The following BRMS1L variants were observed in gnomAD, a reference collection of about 807,000 sequenced individuals.
BRMS1L encodes the protein breast cancer metastasis-suppressor 1-like protein.
BRMS1L carries 23 observed loss-of-function variants against 50.3 expected under a neutral mutation model. The observed-to-expected ratio is 0.46, with a 90% CI of 0.33 to 0.65. The LOEUF (loss-of-function observed/expected upper bound fraction) is 0.65. Ranked by LOEUF, BRMS1L falls within the 30% of genes least tolerant of loss-of-function variation. BRMS1L has a pLI of 0.02. For synonymous variants in BRMS1L, 114 were observed against 126.9 expected (o/e 0.90, Z 0.69); for missense variants, 286 against 386.1 (o/e 0.74, Z 2.17).
At chr14:35,833,483 AT>A (rs941016122) in intron 3 of BRMS1L, among the ~76,000 whole-genome samples, 5 of 151,990 alleles carry the variant, frequency 3.3e-5, no homozygotes, top group Non-Finnish European at 4.4e-5. Context: ...AAGTGATAGG[AT>A]TTTTTTTAAT....
intron 4 of BRMS1L, among the ~76,000 whole-genome samples, chr14:35,852,356 A>G (rs1302319552): frequency 6.6e-6 from 1 of 152,190 alleles, no homozygotes; most frequent in Non-Finnish European, 1.5e-5. Flanking sequence ...AATTACAGGC[A>G]TGTGCCACCC....
At chr14:35,861,194 A>G (rs566777700) in intron 4 of BRMS1L, among the ~76,000 whole-genome samples, 2 of 152,378 alleles carry the variant, frequency 1.3e-5, no homozygotes, top group African/African-American at 4.8e-5. Context: ...AATGCTTCAA[A>G]CATTTCAGTT....
chr14:35,864,465 T>C (rs1470483592), intron 6 of BRMS1L, among the ~76,000 whole-genome samples: 1 of 152,174 alleles, frequency 6.6e-6, no homozygotes, highest in Non-Finnish European at 1.5e-5. Flanking sequence ...TTTGCCGTGT[T>C]GCCCAGGCTG....
At chr14:35,864,120 A>G (rs1386096163) in intron 6 of BRMS1L, among the ~76,000 whole-genome samples, 167 bp downstream of exon 6, 1 of 152,204 alleles carries the variant, frequency 6.6e-6, no homozygotes, top group Non-Finnish European at 1.5e-5. Flanking sequence ...TATAGTGTAT[A>G]CTTTAGGTCA....
chr14:35,831,608 A>G lies in BRMS1L; in HGVS notation c.233+108A>G, dbSNP rs143687799. The G allele has an allele frequency of 1.4e-4, 112 of 776,014 alleles. No homozygotes were observed. The African/African-American group carries it at 1.7e-3, about 12-fold the overall frequency. The allele number at this position is 776,014 out of a possible 1,614,324, so 48.1% of individuals were successfully genotyped here. ...TCTCAGCTGTTTTGTATTTTATGCG[A>G]CAGACCAATTTGAAAGAGGCTTCAA... On this transcript the variant is annotated intron_variant, in intron 2 of 9. Coordinates refer to ENST00000216807, the MANE Select transcript of BRMS1L (RefSeq NM_032352.4).
chr14:35,826,452 C>T lies in BRMS1L; in HGVS notation c.-65C>T. The T allele has an allele frequency of 1.3e-6, 2 of 1,548,132 alleles. No homozygotes were observed. Among genetic ancestry groups the T allele is most frequent in the Non-Finnish European group, 1.7e-6 (2 of 1,146,854 alleles). The stretch of plus-strand genomic sequence containing the variant: ...GGGTGGGTTGGGGCGTTCCGCGCGC[C>T]CTTCATTGAAGCGGCGGTGGCCGGG... On this transcript the variant is annotated 5_prime_UTR_variant, in exon 1 of 10. Transcript: ENST00000216807.
chr14:35,838,989 T>C lies in BRMS1L; in HGVS notation c.441+4066T>C, dbSNP rs189022899. Reference sequence around the variant, plus strand: ...GTATTTCCTAGGTTTTCTTCTAGGGTTTTTATGGTTTTAGGTCTTATGTTT... The same window carrying C: ...GTATTTCCTAGGTTTTCTTCTAGGGCTTTTATGGTTTTAGGTCTTATGTTT... On this transcript the variant is annotated intron_variant, in intron 4 of 9. Transcript: ENST00000216807. 5.8e-3 allele frequency among the ~76,000 whole-genome samples: 882 copies of C among 152,298 alleles called. 13 individuals carry two copies. The highest frequency in any genetic ancestry group is 0.02 in the African/African-American group (828 of 41,566).
At chr14:35,829,747 T>A in intron 1 of BRMS1L, 1 of 857,800 alleles carries the variant, frequency 1.2e-6, no homozygotes, top group Non-Finnish European at 1.6e-6. Flanking sequence ...GAGTCAGCCT[T>A]CCATGTTATA....
intron 4 of BRMS1L, among the ~76,000 whole-genome samples, chr14:35,836,793 A>G (rs2077999603): frequency 6.6e-6 from 1 of 152,200 alleles, no homozygotes; most frequent in African/African-American, 2.4e-5. Context: ...TCATGCCTGT[A>G]ATCCCAGCAC....
intron 4 of BRMS1L, among the ~76,000 whole-genome samples, chr14:35,841,214 G>A (rs929813967): frequency 6.6e-6 from 1 of 152,120 alleles, no homozygotes; most frequent in African/African-American, 2.4e-5. Context: ...TGGTCTGAGA[G>A]ACTATTATGA....
At chr14:35,842,877 T>C (rs1247838958) in intron 4 of BRMS1L, among the ~76,000 whole-genome samples, 1 of 152,246 alleles carries the variant, frequency 6.6e-6, no homozygotes, top group Admixed American at 6.5e-5. Context: ...TGTTTGTTGC[T>C]CTTAATTCTT....
chr14:35,829,165 C>T (rs1233422539), intron 1 of BRMS1L, among the ~76,000 whole-genome samples: 2 of 152,124 alleles, frequency 1.3e-5, no homozygotes, highest in Non-Finnish European at 2.9e-5. Flanking sequence ...TGGTCTTGAA[C>T]TCCTGACTTC....
At chr14:35,829,297 C>G (rs971645520) in intron 1 of BRMS1L, among the ~76,000 whole-genome samples, 1 of 152,158 alleles carries the variant, frequency 6.6e-6, no homozygotes, top group Non-Finnish European at 1.5e-5. Context: ...GATGTTCTTG[C>G]ATTTATGATA....
intron 4 of BRMS1L, among the ~76,000 whole-genome samples, chr14:35,846,073 A>G (rs543276406): frequency 1.3e-5 from 2 of 152,178 alleles, no homozygotes; most frequent in African/African-American, 2.4e-5. Context: ...TCTTTTACAT[A>G]ACCAAAGTAT....
chr14:35,841,538 C>G (rs1354417952), intron 4 of BRMS1L, among the ~76,000 whole-genome samples: 3 of 152,148 alleles, frequency 2.0e-5, no homozygotes, highest in African/African-American at 7.2e-5. Flanking sequence ...ACCTCGTGAT[C>G]TGCCCGCCTT....
rs564470699 is a variant in BRMS1L, at chr14:35,826,503, G to A, written c.-14G>A. 2.0e-5 allele frequency: 31 copies of A among 1,572,012 alleles called. No individual in the cohort carries two copies. In the African/African-American group the frequency reaches 3.1e-4, roughly 16 times the overall value. On this transcript the variant is annotated 5_prime_UTR_variant, in exon 1 of 10. Coordinates refer to ENST00000216807, the MANE Select transcript of BRMS1L (RefSeq NM_032352.4). ...CTGGGCGCCGGTAGTGGAAAGCGAC[G>A]GCGCGGCTGGAAAATGCCAGTCCAT...
intron 1 of BRMS1L, among the ~76,000 whole-genome samples, chr14:35,829,453 C>G (rs538676431): frequency 6.6e-6 from 1 of 152,284 alleles, no homozygotes; most frequent in East Asian, 1.9e-4. Flanking sequence ...ATAATTTGAA[C>G]TACAAGTCAA....
intron 9 of BRMS1L, among the ~76,000 whole-genome samples, chr14:35,868,795 C>T (rs888314422): frequency 1.3e-5 from 2 of 152,060 alleles, no homozygotes; most frequent in Non-Finnish European, 2.9e-5. Flanking sequence ...ACAACAACAA[C>T]AAACAACAAC....
intron 8 of BRMS1L, chr14:35,865,962 G>C: frequency 1.8e-6 from 1 of 548,422 alleles, no homozygotes; most frequent in Admixed American, 3.7e-5. Context: ...AATTATTTCA[G>C]TGTTCAGCTA....
Sources: gnomAD v4.1 joint callset for allele counts (sites outside exome capture counted in the v4.1 genomes callset) on GRCh38, gnomAD v4.1.1 for gene constraint, MANE v1.5 for transcripts, NCBI Gene and HGNC (gene_info 2026-07-23, HGNC 2026-07-21) for gene names.